Variants in KIF7 observed in about 807,000 individuals in gnomAD.
KIF7 encodes kinesin family member 7, also known as kinesin-like protein KIF7.
KIF7 carries 104 observed loss-of-function variants against 135.7 expected under a neutral mutation model. The observed-to-expected ratio is 0.77, with a 90% CI of 0.65 to 0.90. KIF7 has a LOEUF of 0.90. Among genes scored for constraint, KIF7 ranks in the 40% least tolerant of loss-of-function variants. KIF7 has a pLI of 0.00. For synonymous variants in KIF7, 883 were observed against 809.4 expected, an observed-to-expected ratio of 1.09 and a Z score of -1.54; for missense variants, 2,005 against 1,839.1, an observed-to-expected ratio of 1.09 and a Z score of -1.65.
intron 1 of KIF7, chr15:89,619,722 C>T (rs758470685): frequency 3.1e-6 from 5 of 1,610,616 alleles, no homozygotes; most frequent in Admixed American, 3.4e-5. Context: ...AAGTCTGAGA[C>T]GAAGTCCTCG....
chr15:89,619,901 T>G, intron 1 of KIF7: 1 of 1,541,222 alleles, frequency 6.5e-7, no homozygotes, highest in Non-Finnish European at 8.7e-7. Context: ...GAAGTGTTTT[T>G]GGGAAAAGAA....
At chr15:89,636,077 T>G (rs974300198) in intron 11 of KIF7, among the ~76,000 whole-genome samples, 2 of 151,988 alleles carry the variant, frequency 1.3e-5, no homozygotes, top group African/African-American at 4.8e-5. Flanking sequence ...CCAGCCAAAC[T>G]AAGCTTCATA....
chr15:89,656,348 C>T (rs1194321536), upstream of KIF7, among the ~76,000 whole-genome samples: 2 of 150,912 alleles, frequency 1.3e-5, no homozygotes, highest in African/African-American at 2.5e-5. Flanking sequence ...AAGGAGGTGG[C>T]CTTTTTAACT....
At chr15:89,625,188 C>A, downstream of KIF7, 1 of 1,613,718 alleles carries the variant, frequency 6.2e-7, no homozygotes, top group Non-Finnish European at 8.5e-7. Context: ...CACCCCCCTG[C>A]CCCCGCCTCT....
At chr15:89,619,988 C>T in intron 1 of KIF7, 1 of 926,172 alleles carries the variant, frequency 1.1e-6, no homozygotes, top group South Asian at 1.8e-5. Flanking sequence ...AGGGTGATGG[C>T]TAGATGGACA....
intron 13 of KIF7, 22 bp downstream of exon 13, chr15:89,633,119 T>C (rs1248227605): frequency 1.2e-6 from 2 of 1,601,400 alleles, no homozygotes; most frequent in Admixed American, 3.3e-5. Context: ...GAGCCCTGGG[T>C]GCGGACACAG....
downstream of KIF7, chr15:89,624,057 A>C: frequency 6.2e-7 from 1 of 1,613,992 alleles, no homozygotes; most frequent in East Asian, 2.2e-5. Context: ...ACCCTCTCAG[A>C]ACACCTCCGA....
rs372338933 is a variant in KIF7, at chr15:89,632,945, G to A, written c.2770C>T (p.Gln924Ter). ...AGCTCCTCCAGCGCCCGCCGCTGCT[G>A]TAGCACCTTCTCCATCTCCTGGTCC... ...WLDQEMEKVL[Q>*]QRRALEELGE... Residue 924 changes from glutamine to a stop codon, truncating the protein, a stop_gained, in exon 14 of 19, where the codon CAG (glutamine) becomes TAG (stop). Transcript: ENST00000394412. LOFTEE classifies it high-confidence loss of function. The A allele has an allele frequency of 1.1e-5, 17 of 1,581,720 alleles. No homozygotes were observed. Among genetic ancestry groups the A allele is most frequent in the Non-Finnish European group, 4.3e-6 (5 of 1,166,026 alleles).
intron 4 of KIF7, 49 bp downstream of exon 4, chr15:89,648,925 C>T: frequency 1.3e-6 from 2 of 1,486,764 alleles, no homozygotes; most frequent in Non-Finnish European, 1.8e-6. Flanking sequence ...GCTGGACACT[C>T]CCCGCCTCCC....
chr15:89,621,312 T>C (rs1207296072), intron 1 of KIF7: 15 of 1,415,342 alleles, frequency 1.1e-5, no homozygotes, highest in Non-Finnish European at 1.4e-5. Flanking sequence ...TGAGCCACCA[T>C]GCGTGGCTGG....
At chr15:89,631,365 T>C in intron 15 of KIF7, 130 bp downstream of exon 15, 1 of 812,432 alleles carries the variant, frequency 1.2e-6, no homozygotes, top group Middle Eastern at 3.7e-4. Context: ...CACCTCCACC[T>C]AACAGTGAAA....
chr15:89,655,921 G>A (rs1434304953), upstream of KIF7, among the ~76,000 whole-genome samples: 1 of 152,194 alleles, frequency 6.6e-6, no homozygotes, highest in African/African-American at 2.4e-5. Flanking sequence ...ACCAGGAGGG[G>A]CAGGAGAGGT....
intron 14 of KIF7, among the ~76,000 whole-genome samples, chr15:89,632,475 G>A (rs937422026): frequency 1.3e-5 from 2 of 152,182 alleles, no homozygotes; most frequent in African/African-American, 2.4e-5. Context: ...TGAATTGGAG[G>A]ATGGACACTT....
intron 13 of KIF7, 59 bp downstream of exon 13, chr15:89,633,082 G>A: frequency 1.2e-6 from 2 of 1,600,548 alleles, no homozygotes; most frequent in Non-Finnish European, 8.5e-7. Context: ...TGGGGAGAAA[G>A]GTGCACCCAC....
At chr15:89,624,006 G>C, downstream of KIF7, 1 of 1,613,588 alleles carries the variant, frequency 6.2e-7, no homozygotes, top group Non-Finnish European at 8.5e-7. Flanking sequence ...CAACTTCATC[G>C]ACTGCCCAGC....
At position 89,642,196 on chromosome 15, in the gene KIF7, G is replaced by A. The variant is rs370379362; in HGVS notation, c.2394+7C>T. ...CCAGCACCCCACCCTGAGGCCCCGA[G>A]ACTAACCTGCACCTGGCTCTGGGCC... is the stretch of plus-strand genomic sequence containing the variant. On this transcript the variant is annotated splice_region_variant and intron_variant, in intron 11 of 18. Transcript: ENST00000394412. 1.2e-6 allele frequency: 2 copies of A among 1,609,434 alleles called. No individual in the cohort carries two copies. The highest frequency in any genetic ancestry group is 1.3e-5 in the African/African-American group (1 of 74,860).
At chr15:89,654,246 T>C (rs1481996515) in intron 1 of KIF7, among the ~76,000 whole-genome samples, 1 of 151,884 alleles carries the variant, frequency 6.6e-6, no homozygotes, top group Admixed American at 6.6e-5. Flanking sequence ...CCTGACCTCG[T>C]GATCTGCCCG....
downstream of KIF7, chr15:89,624,369 C>T (rs1194255933): frequency 1.5e-5 from 25 of 1,614,026 alleles, no homozygotes; most frequent in Non-Finnish European, 2.1e-5. Context: ...CTGCATCTCT[C>T]TCCTGCCCTG....
rs1034868235 is a variant in KIF7 at position 89,636,850 on chromosome 15, C to G, written c.2395-2967G>C. ...GGACCTAATAGACACCTACAGAACT[C>G]TCCACCCCAAATCAACAGAATATAT... is the stretch of plus-strand genomic sequence containing the variant. On this transcript the variant is annotated intron_variant, in intron 11 of 18. Transcript: ENST00000394412. Among the ~76,000 whole-genome samples, 6 of 149,868 alleles carry G rather than the reference C, an allele frequency of 4.0e-5. No homozygotes were observed. The Admixed American group carries it at 4.0e-4, about 10-fold the overall frequency.
Sources: gnomAD v4.1 joint callset for allele counts (sites outside exome capture counted in the v4.1 genomes callset) on GRCh38, gnomAD v4.1.1 for gene constraint, MANE v1.5 for transcripts, NCBI Gene and HGNC (gene_info 2026-07-23, HGNC 2026-07-21) for gene names.